ARHGEF3: variants seen among roughly 807,000 people sequenced by gnomAD.
The protein encoded by ARHGEF3 is Rho guanine nucleotide exchange factor 3, also known as 59.8 kDA protein.
ARHGEF3 carries 28 observed loss-of-function variants against 63.2 expected under a neutral mutation model. The observed-to-expected ratio is 0.44, with a 90% CI of 0.33 to 0.61. The LOEUF (loss-of-function observed/expected upper bound fraction) is 0.61. Ranked by LOEUF, ARHGEF3 falls within the 20% of genes least tolerant of loss-of-function variation. ARHGEF3 has a pLI of 0.03. For missense variants in ARHGEF3, 533 were observed against 659.3 expected (o/e 0.81, Z 2.10); for synonymous variants, 266 against 254.2 (o/e 1.05, Z -0.44).
chr3:56,762,343 G>T lies in ARHGEF3; in HGVS notation c.205-7192C>A, dbSNP rs140520583. Among the ~76,000 whole-genome samples, 47 of 152,294 alleles carry T rather than the reference G, an allele frequency of 3.1e-4. No individual in the cohort carries two copies. In the East Asian group the frequency reaches 8.3e-3, roughly 27 times the overall value. ...TGGCCTAGCAAATGAGTCAAAAACT[G>T]CAATCTCATAATTGCTGGCAGCTAA... On this transcript the variant is annotated intron_variant, in intron 2 of 9. Coordinates refer to ENST00000296315, the MANE Select transcript of ARHGEF3 (RefSeq NM_019555.3).
At chr3:56,817,848 G>A (rs377056356) in intron 4 of ARHGEF3, among the ~76,000 whole-genome samples, 34 of 152,304 alleles carry the variant, frequency 2.2e-4, no homozygotes, top group South Asian at 1.5e-3. Flanking sequence ...GCCCCAGCAT[G>A]CCCCGTACCC....
chr3:56,885,386 G>A (rs964019363), intron 3 of ARHGEF3, among the ~76,000 whole-genome samples: 1 of 152,134 alleles, frequency 6.6e-6, no homozygotes, highest in Non-Finnish European at 1.5e-5. Context: ...CACAGTAAGT[G>A]GCAGCTCCTG....
At chr3:57,059,889 G>A (rs1343918438) in intron 1 of ARHGEF3, among the ~76,000 whole-genome samples, 6 of 152,102 alleles carry the variant, frequency 3.9e-5, no homozygotes, top group Non-Finnish European at 5.9e-5. Flanking sequence ...CCAGCTACTC[G>A]GGAGGCTGAG....
chr3:57,055,450 C>A (rs769595150), intron 1 of ARHGEF3, among the ~76,000 whole-genome samples: 31 of 152,290 alleles, frequency 2.0e-4, no homozygotes, highest in Non-Finnish European at 2.9e-4. Context: ...GCCTGAGTCA[C>A]CCCGCCTGGC....
chr3:56,769,242 T>C (rs992931874), intron 2 of ARHGEF3, among the ~76,000 whole-genome samples: 2 of 152,160 alleles, frequency 1.3e-5, no homozygotes, highest in African/African-American at 4.8e-5. Flanking sequence ...TGAACAGCTG[T>C]GGACAGGGAG....
intron 1 of ARHGEF3, among the ~76,000 whole-genome samples, chr3:57,078,352 G>T (rs77119394): frequency 0.015 from 2,261 of 152,332 alleles, 65 homozygotes; most frequent in African/African-American, 0.052. Context: ...TCCTCGCCCA[G>T]TGCGGGAAGC....
intron 2 of ARHGEF3, among the ~76,000 whole-genome samples, chr3:57,022,068 C>T (rs918956007): frequency 6.6e-6 from 1 of 152,116 alleles, no homozygotes; most frequent in African/African-American, 2.4e-5. Context: ...TCCAGGAGTT[C>T]AAGATCAGCC....
intron 1 of ARHGEF3, chr3:57,075,356 G>C (rs1283985928): frequency 3.0e-5 from 5 of 167,068 alleles, no homozygotes; most frequent in Non-Finnish European, 5.9e-5. Flanking sequence ...ACTGCTGTGT[G>C]GTCAGTACCA....
chr3:56,974,166 T>C (rs909792554), intron 2 of ARHGEF3, among the ~76,000 whole-genome samples: 6 of 152,304 alleles, frequency 3.9e-5, no homozygotes, highest in Middle Eastern at 3.4e-3. Context: ...TCTAGACATA[T>C]GGTAGATGCT....
At chr3:56,736,671 A>G (rs2033644378) in intron 8 of ARHGEF3, among the ~76,000 whole-genome samples, 1 of 152,208 alleles carries the variant, frequency 6.6e-6, no homozygotes, top group Admixed American at 6.5e-5. Flanking sequence ...TGGCAACCCT[A>G]TGTTGGTTTC....
At position 57,023,939 on chromosome 3, in the gene ARHGEF3, C is replaced by T. The variant is rs540207499; in HGVS notation, c.62+11149G>A. On this transcript the variant is annotated intron_variant, in intron 2 of 12. Transcript: ENST00000338458. Reference sequence around the variant, plus strand: ...GTGCCATTCACAGCACCCAGAACAACGCCCCCGGCACTGAGTAGACACTCG... The same window carrying T: ...GTGCCATTCACAGCACCCAGAACAATGCCCCCGGCACTGAGTAGACACTCG... 6.6e-5 allele frequency among the ~76,000 whole-genome samples: 10 copies of T among 152,326 alleles called. No homozygotes were observed. In the South Asian group the frequency reaches 2.1e-3, roughly 32 times the overall value.
chr3:56,988,007 G>A (rs1701609132), intron 2 of ARHGEF3, among the ~76,000 whole-genome samples: 1 of 152,176 alleles, frequency 6.6e-6, no homozygotes. Context: ...GCTCTGAGGG[G>A]TCAACCTGGC....
intron 3 of ARHGEF3, among the ~76,000 whole-genome samples, chr3:56,913,157 A>C (rs58890170): frequency 0.31 from 13,028 of 42,318 alleles, 726 homozygotes; most frequent in Non-Finnish European, 0.49. Flanking sequence ...CTAAAAAAAA[A>C]AACAACAACA....
chr3:56,859,182 G>A (rs1376780434), intron 4 of ARHGEF3, among the ~76,000 whole-genome samples: 1 of 152,098 alleles, frequency 6.6e-6, no homozygotes, highest in Non-Finnish European at 1.5e-5. Context: ...TTTTTGAGAC[G>A]GATGGAGTGT....
At chr3:56,895,276 G>A (rs2041261832) in intron 3 of ARHGEF3, among the ~76,000 whole-genome samples, 1 of 152,080 alleles carries the variant, frequency 6.6e-6, no homozygotes, top group South Asian at 2.1e-4. Context: ...CATTATTCCC[G>A]AGTTAGTCAT....
chr3:56,741,243 T>TGGCGCAATCTC (rs2034003249), intron 7 of ARHGEF3, among the ~76,000 whole-genome samples: 1 of 145,240 alleles, frequency 6.9e-6, no homozygotes, highest in Non-Finnish European at 1.5e-5. Context: ...TAGAGTGCAA[T>TGGCGCAATCTC]GGCGCAATCT....
chr3:56,747,264 C>G (rs1436609206), intron 6 of ARHGEF3, among the ~76,000 whole-genome samples: 24 of 152,158 alleles, frequency 1.6e-4, no homozygotes, highest in Admixed American at 1.4e-3. Context: ...TGGATGTAAA[C>G]TAGTGAGGAA....
At chr3:56,947,941 G>A (rs1199986630) in intron 3 of ARHGEF3, among the ~76,000 whole-genome samples, 2 of 152,184 alleles carry the variant, frequency 1.3e-5, no homozygotes, top group Non-Finnish European at 2.9e-5. Flanking sequence ...TCAGACCACA[G>A]TGCAATCAAA....
At chr3:57,073,685 C>A (rs777013411) in intron 1 of ARHGEF3, 1 of 1,602,156 alleles carries the variant, frequency 6.2e-7, no homozygotes, top group Non-Finnish European at 8.5e-7. Context: ...CTGTTTTTGA[C>A]TTGGGCCCCA....
Sources: gnomAD v4.1 joint callset for allele counts (sites outside exome capture counted in the v4.1 genomes callset) on GRCh38, gnomAD v4.1.1 for gene constraint, MANE v1.5 for transcripts, NCBI Gene and HGNC (gene_info 2026-07-23, HGNC 2026-07-21) for gene names.